The following DGLUCY variants were observed in gnomAD, a reference collection of about 807,000 sequenced individuals.
The protein encoded by DGLUCY is D-glutamate cyclase.
In DGLUCY, 58 loss-of-function variants were observed where a neutral mutation model predicts 58.5. The observed-to-expected ratio is 0.99, with a 90% CI of 0.80 to 1.23. DGLUCY has a LOEUF of 1.23. Among genes scored for constraint, DGLUCY ranks in the 50% most tolerant of loss-of-function variants. The pLI is 0.00. For synonymous variants in DGLUCY, 325 were observed against 314.1 expected, an observed-to-expected ratio of 1.03 and a Z score of -0.37; for missense variants, 779 against 784.7, an observed-to-expected ratio of 0.99 and a Z score of 0.09.
chr14:91,122,798 A>C (rs2140149933), intron 1 of DGLUCY, among the ~76,000 whole-genome samples: 2 of 151,926 alleles, frequency 1.3e-5, no homozygotes, highest in South Asian at 4.2e-4. Context: ...TAGTAGAGAC[A>C]AAGTTTCACT....
At chr14:91,078,786 A>G (rs1437147458) in intron 1 of DGLUCY, among the ~76,000 whole-genome samples, 2 of 152,078 alleles carry the variant, frequency 1.3e-5, no homozygotes, top group Non-Finnish European at 1.5e-5. Context: ...GAGCAAAATG[A>G]TCTTTAACTG....
upstream of DGLUCY, among the ~76,000 whole-genome samples, chr14:91,112,770 A>C (rs537366949): frequency 3.7e-4 from 57 of 152,220 alleles, no homozygotes; most frequent in African/African-American, 1.4e-3. Flanking sequence ...CTGTAATCCC[A>C]GCACTTTGGG....
chr14:91,133,020 G>A (rs1302114871), intron 1 of DGLUCY, among the ~76,000 whole-genome samples: 2 of 151,704 alleles, frequency 1.3e-5, no homozygotes, highest in African/African-American at 2.4e-5. Flanking sequence ...TTGGCTGGGC[G>A]CGGTAGCTCA....
chr14:91,107,245 G>A (rs2044608023), upstream of DGLUCY, among the ~76,000 whole-genome samples: 1 of 152,078 alleles, frequency 6.6e-6, no homozygotes, highest in Non-Finnish European at 1.5e-5. Flanking sequence ...TTCGCTAGGT[G>A]TGGTGGCTCA....
At chr14:91,209,418 C>G (rs1220042009) in intron 12 of DGLUCY, among the ~76,000 whole-genome samples, 1 of 151,918 alleles carries the variant, frequency 6.6e-6, no homozygotes, top group African/African-American at 2.4e-5. Context: ...CTTAAAAAAT[C>G]AAGATTGAGG....
chr14:91,064,622 CA>C (rs35830145), intron 1 of DGLUCY, among the ~76,000 whole-genome samples: 746 of 57,632 alleles, frequency 0.013, no homozygotes, highest in Non-Finnish European at 0.014. Context: ...GACTCTGTCT[CA>C]AAAAAAAAAA....
At chr14:91,153,881 G>C (rs145913252) in intron 1 of DGLUCY, among the ~76,000 whole-genome samples, 54 of 152,180 alleles carry the variant, frequency 3.5e-4, no homozygotes, top group Middle Eastern at 3.4e-3. Flanking sequence ...CAAGGTGGTC[G>C]GGGTACAGGT....
At chr14:91,178,356 G>T (rs960224176) in intron 7 of DGLUCY, among the ~76,000 whole-genome samples, 8 of 151,992 alleles carry the variant, frequency 5.3e-5, no homozygotes, top group Non-Finnish European at 1.0e-4. Context: ...TGGAGATGGG[G>T]TCTCACTATG....
At chr14:91,151,270 C>T (rs541407158) in intron 1 of DGLUCY, among the ~76,000 whole-genome samples, 2 of 152,316 alleles carry the variant, frequency 1.3e-5, no homozygotes, top group Non-Finnish European at 2.9e-5. Context: ...GACGGAGTCT[C>T]GCTCTGTCGC....
chr14:91,081,728 A>G, intron 1 of DGLUCY, among the ~76,000 whole-genome samples: 1 of 151,436 alleles, frequency 6.6e-6, no homozygotes, highest in East Asian at 1.9e-4. Context: ...CTTTATTTTT[A>G]TTTTATTTTA....
intron 1 of DGLUCY, among the ~76,000 whole-genome samples, chr14:91,145,551 A>G (rs1408970409): frequency 6.6e-6 from 1 of 152,136 alleles, no homozygotes; most frequent in Non-Finnish European, 1.5e-5. Flanking sequence ...GAGGACAGGA[A>G]GTCACGCCTA....
chr14:91,090,419 C>T (rs1456643174), intron 1 of DGLUCY, among the ~76,000 whole-genome samples: 1 of 152,148 alleles, frequency 6.6e-6, no homozygotes, highest in African/African-American at 2.4e-5. Context: ...CAAGCTACAT[C>T]CTCTGTGAGT....
At chr14:91,143,594 G>C (rs2046857030) in intron 1 of DGLUCY, among the ~76,000 whole-genome samples, 1 of 152,196 alleles carries the variant, frequency 6.6e-6, no homozygotes, top group Non-Finnish European at 1.5e-5. Flanking sequence ...GAATGGGATG[G>C]AGACTTCTTC....
chr14:91,183,263 T>G (rs2049295609), intron 8 of DGLUCY, among the ~76,000 whole-genome samples: 1 of 152,188 alleles, frequency 6.6e-6, no homozygotes, highest in African/African-American at 2.4e-5. Context: ...CCCAAAGTGC[T>G]GGGATTACAG....
chr14:91,132,438 T>C (rs146818247), intron 1 of DGLUCY, among the ~76,000 whole-genome samples: 25 of 151,840 alleles, frequency 1.6e-4, no homozygotes, highest in African/African-American at 5.3e-4. Flanking sequence ...TGGTGGTGCA[T>C]GCCTGTAGTC....
Position 91,224,914 on chromosome 14 carries a change from A to G in DGLUCY, c.*81A>G. 2 of 1,420,086 alleles carry G rather than the reference A, an allele frequency of 1.4e-6. No homozygotes were observed. The highest frequency in any genetic ancestry group is 1.4e-5 in the South Asian group (1 of 69,560). 88.0% of individuals were successfully genotyped at this position (1,420,086 alleles called of 1,614,324 possible). A position where few individuals can be genotyped will look rare whatever the true frequency, so the allele number is the denominator to read the frequency against. ...GAGAATGCAGCTGCTTCTGGCGACA[A>G]TCCTGCTAGTAAACACTGGTCTTCG... On this transcript the variant is annotated 3_prime_UTR_variant, in exon 14 of 14. Transcript: ENST00000256324.
At chr14:91,179,066 T>G (rs1226310973) in intron 7 of DGLUCY, among the ~76,000 whole-genome samples, 1 of 152,118 alleles carries the variant, frequency 6.6e-6, no homozygotes, top group African/African-American at 2.4e-5. Context: ...ATCCAAGATT[T>G]ATTTACTCAA....
chr14:91,117,566 G>C (rs769715825), intron 1 of DGLUCY, among the ~76,000 whole-genome samples: 1 of 151,920 alleles, frequency 6.6e-6, no homozygotes, highest in Admixed American at 6.6e-5. Flanking sequence ...CTCATCTAGG[G>C]AGTGTTGTAT....
chr14:91,121,018 TCTCTTTGTC>T (rs1341873541), intron 1 of DGLUCY, among the ~76,000 whole-genome samples: 6 of 152,104 alleles, frequency 3.9e-5, no homozygotes, highest in Admixed American at 3.9e-4. Context: ...CTCCCAAGCA[TCTCTTTGTC>T]TATCTTCCCA....
Sources: gnomAD v4.1 joint callset for allele counts (sites outside exome capture counted in the v4.1 genomes callset) on GRCh38, gnomAD v4.1.1 for gene constraint, MANE v1.5 for transcripts, NCBI Gene and HGNC (gene_info 2026-07-23, HGNC 2026-07-21) for gene names.